Variants in CELF4 observed in about 807,000 individuals in gnomAD.
The protein encoded by CELF4 is CUGBP Elav-like family member 4.
Under a neutral mutation model 59.9 loss-of-function variants are expected in CELF4, and 18 were observed. That is an observed-to-expected ratio of 0.30 (90% CI 0.21 to 0.45). The LOEUF is 0.45. CELF4 is among the 20% of genes least tolerant of loss of function. The pLI, the probability that CELF4 is intolerant of heterozygous loss-of-function variation, is 1.00. For missense variants in CELF4, 456 were observed against 689.0 expected, an observed-to-expected ratio of 0.66 and a Z score of 3.79; for synonymous variants, 261 against 267.1, an observed-to-expected ratio of 0.98 and a Z score of 0.22.
At chr18:37,519,299 G>T (rs200331561) in intron 1 of CELF4, among the ~76,000 whole-genome samples, 188 of 152,192 alleles carry the variant, frequency 1.2e-3, no homozygotes, top group African/African-American at 4.2e-3. Context: ...CAGCCAGGTG[G>T]GTGGTGGTAC....
At chr18:37,475,930 T>C (rs2099847589) in intron 2 of CELF4, among the ~76,000 whole-genome samples, 1 of 152,200 alleles carries the variant, frequency 6.6e-6, no homozygotes, top group African/African-American at 2.4e-5. Context: ...TTTCGGGGCA[T>C]CCCAGCTCTC....
In CELF4 at chr18:37,253,787, C is replaced by T; in HGVS notation, c.*24G>A. 1.3e-6 allele frequency: 2 copies of T among 1,588,114 alleles called. No individual in the cohort carries two copies. The highest frequency in any genetic ancestry group is 1.7e-6 in the Non-Finnish European group (2 of 1,167,110). On this transcript the variant is annotated 3_prime_UTR_variant, in exon 12 of 13. Coordinates refer to ENST00000420428, the MANE Select transcript of CELF4 (RefSeq NM_020180.4). The surrounding 1 kb of genome is among the most constrained non-coding windows in gnomAD (Gnocchi z 4.5). Reference sequence around the variant, plus strand: ...GTTACCTGTGCGAGTCCTGGTCTCCCCCGGGGGACGCTCCCGCCGGCGCTC... The same window carrying T: ...GTTACCTGTGCGAGTCCTGGTCTCCTCCGGGGGACGCTCCCGCCGGCGCTC...
At chr18:37,488,657 T>TGA (rs2099888104) in intron 1 of CELF4, among the ~76,000 whole-genome samples, 1 of 152,020 alleles carries the variant, frequency 6.6e-6, no homozygotes, top group African/African-American at 2.4e-5. Flanking sequence ...TGCTTCCCCC[T>TGA]TCACCCCCAA....
intron 2 of CELF4, among the ~76,000 whole-genome samples, chr18:37,405,842 T>C (rs941790856): frequency 5.3e-5 from 8 of 151,872 alleles, no homozygotes; most frequent in African/African-American, 1.9e-4. Context: ...ATCATTTCCA[T>C]CACTTCAGGC....
At chr18:37,443,642 C>CCT (rs1304841014) in intron 2 of CELF4, among the ~76,000 whole-genome samples, 1 of 152,076 alleles carries the variant, frequency 6.6e-6, no homozygotes, top group Admixed American at 6.5e-5. Context: ...GGAAGAGGGT[C>CCT]CAGGCTTCCC....
chr18:37,427,876 C>A (rs1345052199), intron 2 of CELF4, among the ~76,000 whole-genome samples: 1 of 152,226 alleles, frequency 6.6e-6, no homozygotes, highest in Non-Finnish European at 1.5e-5. Flanking sequence ...GTCTCCCATA[C>A]AATGTTTTGC....
At chr18:37,318,459 C>A (rs1002713434) in intron 3 of CELF4, among the ~76,000 whole-genome samples, 1 of 151,824 alleles carries the variant, frequency 6.6e-6, no homozygotes, top group Non-Finnish European at 1.5e-5. Context: ...CTTCTCCCCC[C>A]TTCCCCTTCT....
chr18:37,521,967 T>C (rs2099957948), intron 1 of CELF4, among the ~76,000 whole-genome samples: 1 of 152,360 alleles, frequency 6.6e-6, no homozygotes, highest in East Asian at 1.9e-4. Context: ...TGCCGGGTTA[T>C]AGCGGGTTAC....
At chr18:37,364,959 G>A (rs1160593882) in intron 2 of CELF4, among the ~76,000 whole-genome samples, 1 of 152,116 alleles carries the variant, frequency 6.6e-6, no homozygotes. Flanking sequence ...CAGGGACCAG[G>A]GCAGTTACAA....
intron 2 of CELF4, among the ~76,000 whole-genome samples, chr18:37,394,105 G>A (rs1318581462): frequency 6.6e-6 from 1 of 152,102 alleles, no homozygotes; most frequent in Non-Finnish European, 1.5e-5. Context: ...GGAGGGGCCC[G>A]CGGCAGATGC....
At chr18:37,364,818 A>G (rs140136039) in intron 2 of CELF4, among the ~76,000 whole-genome samples, 2,234 of 152,274 alleles carry the variant, frequency 0.015, 23 homozygotes, top group Middle Eastern at 0.034. Flanking sequence ...GGGAAAATAG[A>G]AAGAACAGAA....
intron 2 of CELF4, among the ~76,000 whole-genome samples, chr18:37,479,842 G>A (rs977543226): frequency 6.6e-6 from 1 of 152,170 alleles, no homozygotes; most frequent in African/African-American, 2.4e-5. Context: ...AAGTTAAGAC[G>A]AGGTCATTAG....
At chr18:37,469,218 G>A (rs931343668) in intron 2 of CELF4, among the ~76,000 whole-genome samples, 12 of 152,112 alleles carry the variant, frequency 7.9e-5, no homozygotes, top group Admixed American at 6.5e-5. Flanking sequence ...TGCCTGACTT[G>A]CTTACCCCTT....
chr18:37,514,278 C>G lies in CELF4; in HGVS notation c.287-28671G>C, dbSNP rs1017895958. On this transcript the variant is annotated intron_variant, in intron 1 of 12. Coordinates refer to ENST00000420428, the MANE Select transcript of CELF4 (RefSeq NM_020180.4). ...TAACAGCTGAAAGTACGGCCCTCTT[C>G]CCCTCTCTCTCCTAGGACGAGGGCA... Among the ~76,000 whole-genome samples, 7 of 152,116 alleles carry G rather than the reference C, an allele frequency of 4.6e-5. No individual in the cohort carries two copies. The South Asian group carries it at 1.5e-3, about 32-fold the overall frequency.
At chr18:37,327,750 C>A (rs2097371367) in intron 2 of CELF4, among the ~76,000 whole-genome samples, 1 of 152,170 alleles carries the variant, frequency 6.6e-6, no homozygotes, top group East Asian at 1.9e-4. Flanking sequence ...GGATCATGGG[C>A]CCTCCTCAGA....
intron 2 of CELF4, among the ~76,000 whole-genome samples, chr18:37,359,115 C>T (rs1057203121): frequency 6.6e-6 from 1 of 152,036 alleles, no homozygotes; most frequent in Admixed American, 6.6e-5. Context: ...CAAAACAAAA[C>T]AAAACAAAAC....
chr18:37,564,831 T>C (rs2099987666), intron 1 of CELF4, among the ~76,000 whole-genome samples: 1 of 152,034 alleles, frequency 6.6e-6, no homozygotes, highest in Non-Finnish European at 1.5e-5. Flanking sequence ...TACATTTAAA[T>C]AAAAATTTCT....
chr18:37,457,463 G>A (rs939802695), intron 2 of CELF4, among the ~76,000 whole-genome samples: 1 of 152,156 alleles, frequency 6.6e-6, no homozygotes, highest in Non-Finnish European at 1.5e-5. Context: ...GAGAGGAGGG[G>A]AAAGGAGTCT....
At chr18:37,317,383 A>C (rs766523045) in intron 3 of CELF4, among the ~76,000 whole-genome samples, 2 of 131,344 alleles carry the variant, frequency 1.5e-5, no homozygotes, top group Non-Finnish European at 2.9e-5. Context: ...GCAAAGTTTC[A>C]TTTCATCTCA....
Sources: allele counts gnomAD v4.1 joint callset (sites outside exome capture counted in the v4.1 genomes callset), GRCh38; gene constraint gnomAD v4.1.1; non-coding constraint Gnocchi (gnomAD v3.1); transcripts MANE v1.5; gene names NCBI Gene and HGNC (gene_info 2026-07-23, HGNC 2026-07-21).